The following NXPH1 variants were observed in gnomAD, a reference collection of about 807,000 sequenced individuals.
The protein encoded by NXPH1 is neurexophilin-1.
NXPH1 carries 5 observed loss-of-function variants against 23.7 expected under a neutral mutation model. The observed-to-expected ratio is 0.21, with a 90% CI of 0.11 to 0.44. The LOEUF (loss-of-function observed/expected upper bound fraction) is 0.44, where lower values mean the gene tolerates loss of function less well. Among genes scored for constraint, NXPH1 ranks in the 20% least tolerant of loss-of-function variants. The pLI is 0.99. For synonymous variants in NXPH1, 144 were observed against 122.2 expected, an observed-to-expected ratio of 1.18 and a Z score of -1.18; for missense variants, 324 against 321.6, an observed-to-expected ratio of 1.01 and a Z score of -0.06.
chr7:8,622,517 C>A lies in NXPH1; in HGVS notation c.55-128491C>A, dbSNP rs746864163. On this transcript the variant is annotated intron_variant, in intron 2 of 2. Transcript: ENST00000405863. The stretch of plus-strand genomic sequence containing the variant: ...TAGACCTTAAGTGGCCATAGAGTAA[C>A]AAATGAGACTTGGCATTTGTGTTTA... Among the ~76,000 whole-genome samples, 9 of 152,090 alleles carry A rather than the reference C, an allele frequency of 5.9e-5. No homozygotes were observed. The South Asian group carries it at 1.2e-3, about 21-fold the overall frequency.
At chr7:8,576,952 A>G (rs1818766866) in intron 2 of NXPH1, among the ~76,000 whole-genome samples, 1 of 152,150 alleles carries the variant, frequency 6.6e-6, no homozygotes, top group Admixed American at 6.5e-5. Flanking sequence ...TTTTATGGTG[A>G]AAATTTACAA....
At chr7:8,497,937 C>G (rs1261960413) in intron 2 of NXPH1, among the ~76,000 whole-genome samples, 1 of 152,072 alleles carries the variant, frequency 6.6e-6, no homozygotes, top group African/African-American at 2.4e-5. Flanking sequence ...AGTCCTTGCC[C>G]ATACCTATGT....
chr7:8,505,525 G>C (rs1817508097), intron 2 of NXPH1, among the ~76,000 whole-genome samples: 1 of 152,024 alleles, frequency 6.6e-6, no homozygotes, highest in South Asian at 2.1e-4. Context: ...GTTCCTGGTA[G>C]AAGCAATAAA....
intron 2 of NXPH1, among the ~76,000 whole-genome samples, chr7:8,491,695 C>T (rs181871937): frequency 1.5e-3 from 233 of 152,180 alleles, no homozygotes; most frequent in African/African-American, 5.2e-3. Context: ...GGTACCACCA[C>T]GGACTGTTAG....
At chr7:8,652,928 C>T (rs1357660107) in intron 2 of NXPH1, among the ~76,000 whole-genome samples, 1 of 150,666 alleles carries the variant, frequency 6.6e-6, no homozygotes, top group Non-Finnish European at 1.5e-5. Flanking sequence ...CTTCTTTCTG[C>T]TTTGATTTTT....
chr7:8,709,826 T>C (rs1042272169), intron 2 of NXPH1, among the ~76,000 whole-genome samples: 8 of 152,228 alleles, frequency 5.3e-5, no homozygotes, highest in Admixed American at 5.2e-4. Context: ...ATTTGTACTG[T>C]TAAAACAAGT....
chr7:8,611,484 C>T (rs1030958996), intron 2 of NXPH1, among the ~76,000 whole-genome samples: 1 of 152,090 alleles, frequency 6.6e-6, no homozygotes, highest in Admixed American at 6.6e-5. Flanking sequence ...GACAGAGAAT[C>T]GTTTGGATTG....
In NXPH1 at chr7:8,448,581, C is replaced by T. The variant is rs546302794; in HGVS notation, c.54+12814C>T. Among the ~76,000 whole-genome samples the T allele has an allele frequency of 2.0e-5, 3 of 152,226 alleles. No individual in the cohort carries two copies. In the South Asian group the frequency reaches 6.2e-4, roughly 32 times the overall value. On this transcript the variant is annotated intron_variant, in intron 2 of 2. Transcript: ENST00000405863. ...CCTGTAATCCTAGCACTTTGGGAGGCCGAGGCGGGCGGATTGCTTGAGCTC... is the reference window on the plus strand; with the variant it reads ...CCTGTAATCCTAGCACTTTGGGAGGTCGAGGCGGGCGGATTGCTTGAGCTC...
At chr7:8,485,438 C>T (rs188590534) in intron 2 of NXPH1, among the ~76,000 whole-genome samples, 13 of 152,242 alleles carry the variant, frequency 8.5e-5, no homozygotes, top group South Asian at 6.2e-4. Context: ...AAAAACATGT[C>T]AACACATCCT....
intron 2 of NXPH1, among the ~76,000 whole-genome samples, chr7:8,521,326 C>T (rs565345989): frequency 2.0e-5 from 3 of 152,282 alleles, no homozygotes; most frequent in Admixed American, 6.5e-5. Flanking sequence ...GGCTCATCTA[C>T]ATCCAGTTTT....
chr7:8,462,684 A>C (rs1037094853), intron 2 of NXPH1, among the ~76,000 whole-genome samples: 3 of 152,238 alleles, frequency 2.0e-5, no homozygotes, highest in Non-Finnish European at 4.4e-5. Context: ...CTGATCCCAC[A>C]ATGTATAGAT....
intron 2 of NXPH1, among the ~76,000 whole-genome samples, chr7:8,612,687 A>G (rs1819646590): frequency 6.6e-6 from 1 of 152,002 alleles, no homozygotes; most frequent in Admixed American, 6.6e-5. Flanking sequence ...ACCACTACTT[A>G]TTTTGTTAGC....
intron 2 of NXPH1, among the ~76,000 whole-genome samples, chr7:8,651,706 A>T (rs2082205126): frequency 6.6e-6 from 1 of 152,196 alleles, no homozygotes; most frequent in African/African-American, 2.4e-5. Flanking sequence ...ATTTTGGTTC[A>T]TCATTTCAAG....
intron 2 of NXPH1, among the ~76,000 whole-genome samples, chr7:8,711,441 C>T (rs928467417): frequency 2.6e-5 from 4 of 152,096 alleles, no homozygotes; most frequent in Non-Finnish European, 1.5e-5. Context: ...ATAAAGGCAG[C>T]AAGTTTTCTC....
chr7:8,699,240 T>C (rs1367676141), intron 2 of NXPH1, among the ~76,000 whole-genome samples: 2 of 152,142 alleles, frequency 1.3e-5, no homozygotes, highest in African/African-American at 4.8e-5. Flanking sequence ...AATTATCTTC[T>C]CTTATCACAA....
At chr7:8,550,146 C>T (rs576545468) in intron 2 of NXPH1, among the ~76,000 whole-genome samples, 1 of 151,696 alleles carries the variant, frequency 6.6e-6, no homozygotes, top group African/African-American at 2.4e-5. Context: ...AGGAATAGTA[C>T]AAGCTTGTGA....
rs114900131 is a variant in NXPH1, at chr7:8,643,246, C to T, written c.55-107762C>T. On this transcript the variant is annotated intron_variant, in intron 2 of 2. Coordinates refer to ENST00000405863, the MANE Select transcript of NXPH1 (RefSeq NM_152745.3). ...GTATGATAAATAGCTGGTACATTTT[C>T]GCTATTTTATCTTGACATTAATTTT... 5.6e-3 allele frequency among the ~76,000 whole-genome samples: 846 copies of T among 152,090 alleles called. 5 individuals carry two copies. The highest frequency in any genetic ancestry group is 0.019 in the African/African-American group (779 of 41,490).
chr7:8,698,488 G>C (rs1779570345), intron 2 of NXPH1, among the ~76,000 whole-genome samples: 1 of 152,092 alleles, frequency 6.6e-6, no homozygotes, highest in Non-Finnish European at 1.5e-5. Flanking sequence ...ATCTGTGTTT[G>C]TAATTGCTAT....
At chr7:8,554,354 C>T (rs538834666) in intron 2 of NXPH1, among the ~76,000 whole-genome samples, 58 of 151,582 alleles carry the variant, frequency 3.8e-4, no homozygotes, top group South Asian at 1.5e-3. Context: ...GGAGCAATAC[C>T]GACCATATGG....
Sources: gnomAD v4.1 joint callset for allele counts (sites outside exome capture counted in the v4.1 genomes callset) on GRCh38, gnomAD v4.1.1 for gene constraint, MANE v1.5 for transcripts, NCBI Gene and HGNC (gene_info 2026-07-23, HGNC 2026-07-21) for gene names.